MAML2: variants seen among roughly 807,000 people sequenced by gnomAD.
MAML2 encodes mastermind like transcriptional coactivator 2, also known as mastermind-like protein 2.
A neutral mutation model predicts 96.1 loss-of-function variants in MAML2; 22 were observed. That is an observed-to-expected ratio of 0.23 (90% confidence interval 0.16 to 0.33). The LOEUF (loss-of-function observed/expected upper bound fraction) is 0.33, where lower values mean the gene tolerates loss of function less well. MAML2 is among the 10% of genes least tolerant of loss of function. The probability of loss-of-function intolerance (pLI) is 1.00; values close to 1 mark genes in which losing one functional copy is unlikely to be tolerated. For synonymous variants in MAML2, 561 were observed against 521.3 expected (o/e 1.08, Z -1.04); for missense variants, 1,367 against 1,392.4 (o/e 0.98, Z 0.29).
intron 1 of MAML2, among the ~76,000 whole-genome samples, chr11:96,136,734 T>C (rs530173752): frequency 6.6e-6 from 1 of 152,330 alleles, no homozygotes; most frequent in African/African-American, 2.4e-5. Context: ...AATTTCAAAA[T>C]GCATGAAAGC....
In MAML2 at chr11:96,039,673, G is replaced by A. The variant is rs545190246; in HGVS notation, c.2140-47950C>T. ...CAGGAAAAGAGATCATCGGCCGGGC[G>A]CGGTGGCTCACGCCTGTAATCCCAG... On this transcript the variant is annotated intron_variant, in intron 2 of 4. Transcript: ENST00000524717. 1.2e-3 allele frequency among the ~76,000 whole-genome samples: 174 copies of A among 150,514 alleles called. 2 individuals carry two copies. Among genetic ancestry groups the A allele is most frequent in the African/African-American group, 3.9e-3 (163 of 41,482 alleles).
chr11:96,255,016 T>C (rs1862642099), intron 1 of MAML2, among the ~76,000 whole-genome samples: 2 of 148,762 alleles, frequency 1.3e-5, no homozygotes, highest in Non-Finnish European at 1.5e-5. Context: ...AGAGGTGGGG[T>C]TTCCCCAAGT....
chr11:96,336,331 C>T (rs2136020834), intron 1 of MAML2, among the ~76,000 whole-genome samples: 1 of 152,196 alleles, frequency 6.6e-6, no homozygotes, highest in East Asian at 1.9e-4. Flanking sequence ...ATATTTGTTC[C>T]TCTCTTCCTC....
intron 2 of MAML2, among the ~76,000 whole-genome samples, chr11:95,992,352 A>G (rs1436311618): frequency 1.3e-5 from 2 of 152,168 alleles, no homozygotes; most frequent in South Asian, 2.1e-4. Flanking sequence ...TACCCGACAC[A>G]CTGACAATGA....
chr11:96,175,952 C>T (rs770909174), intron 1 of MAML2, among the ~76,000 whole-genome samples: 4 of 152,062 alleles, frequency 2.6e-5, no homozygotes, highest in Non-Finnish European at 5.9e-5. Context: ...ATATAGGTTG[C>T]CTCTAATTCA....
At chr11:96,261,613 A>G (rs1862751731) in intron 1 of MAML2, among the ~76,000 whole-genome samples, 2 of 152,190 alleles carry the variant, frequency 1.3e-5, no homozygotes, top group East Asian at 3.8e-4. Context: ...TTCTGATAAT[A>G]TTGGAGACTT....
At chr11:96,102,818 A>C (rs1372784792) in intron 1 of MAML2, among the ~76,000 whole-genome samples, 4 of 152,208 alleles carry the variant, frequency 2.6e-5, no homozygotes, top group Non-Finnish European at 5.9e-5. Context: ...AAATGCACAT[A>C]ATATTCTGTA....
rs1565178956 is a variant in MAML2 at position 95,978,984 on chromosome 11, G to A, written c.3435C>T (p.Asp1145=). 1.2e-6 allele frequency: 2 copies of A among 1,611,452 alleles called. No homozygotes were observed. The highest frequency in any genetic ancestry group is 1.7e-5 in the Admixed American group (1 of 59,490). The part of the protein sequence containing the change: ...TEPGNDDWMK[D]INLDEILGNN... The stretch of plus-strand genomic sequence containing the variant: ...TCCCCAAGATTTCATCAAGATTGAT[G>A]TCTTTCATCCAGTCATCATTACCAG... The change falls in exon 5 of 5, where the codon GAC becomes GAT. Residue 1145 remains aspartate, a synonymous_variant. Coordinates refer to ENST00000524717, the MANE Select transcript of MAML2 (RefSeq NM_032427.4).
intron 1 of MAML2, among the ~76,000 whole-genome samples, chr11:96,115,491 C>T (rs1347122658): frequency 2.6e-5 from 4 of 151,112 alleles, no homozygotes; most frequent in Non-Finnish European, 4.4e-5. Context: ...TTTTTTAAAC[C>T]CCATTCATAC....
At chr11:96,009,709 C>T (rs61388002) in intron 2 of MAML2, among the ~76,000 whole-genome samples, 31,166 of 152,058 alleles carry the variant, frequency 0.2, 3,394 homozygotes, top group East Asian at 0.37. Flanking sequence ...TACCTGTAAA[C>T]ATTTGTTACA....
At chr11:96,204,468 AAG>A (rs1304815762) in intron 1 of MAML2, among the ~76,000 whole-genome samples, 1 of 152,176 alleles carries the variant, frequency 6.6e-6, no homozygotes, top group Non-Finnish European at 1.5e-5. Context: ...AGGGTTGAGA[AAG>A]AGCTATCCTT....
chr11:96,269,371 T>C (rs1292440223), intron 1 of MAML2, among the ~76,000 whole-genome samples: 1 of 145,130 alleles, frequency 6.9e-6, no homozygotes, highest in Non-Finnish European at 1.5e-5. Context: ...TTGTATGTTA[T>C]GTTCCTGAGA....
chr11:96,033,709 G>T (rs747319636), intron 2 of MAML2, among the ~76,000 whole-genome samples: 22 of 152,118 alleles, frequency 1.4e-4, no homozygotes, highest in Non-Finnish European at 2.6e-4. Flanking sequence ...GTGTACCCTG[G>T]GTCGCGTCTG....
intron 2 of MAML2, among the ~76,000 whole-genome samples, chr11:96,002,946 GA>G (rs1858115673): frequency 6.9e-6 from 1 of 145,018 alleles, no homozygotes. Flanking sequence ...GGGATGATAA[GA>G]AGGATGATGG....
intron 1 of MAML2, among the ~76,000 whole-genome samples, chr11:96,172,975 G>A (rs967966155): frequency 6.6e-6 from 1 of 152,182 alleles, no homozygotes; most frequent in East Asian, 1.9e-4. Context: ...CACCCTTTTT[G>A]CCAGTTGCCA....
chr11:96,143,407 C>T (rs534216733), intron 1 of MAML2, among the ~76,000 whole-genome samples: 51 of 152,248 alleles, frequency 3.3e-4, no homozygotes, highest in African/African-American at 1.1e-3. Flanking sequence ...TCGGTCATGT[C>T]GCTCTTGCTC....
chr11:96,166,158 C>CTGTCTG (rs1861188055), intron 1 of MAML2, among the ~76,000 whole-genome samples: 1 of 92,338 alleles, frequency 1.1e-5, no homozygotes, highest in Non-Finnish European at 2.5e-5. Context: ...CTGTCTGTCT[C>CTGTCTG]TCTCTCTCTC....
chr11:96,229,610 G>A (rs1010228712), intron 1 of MAML2, among the ~76,000 whole-genome samples: 2 of 147,556 alleles, frequency 1.4e-5, no homozygotes, highest in African/African-American at 5.0e-5. Flanking sequence ...CTACCATGGT[G>A]CCTTGACTAC....
chr11:96,248,418 A>C (rs535841007), intron 1 of MAML2, among the ~76,000 whole-genome samples: 206 of 152,118 alleles, frequency 1.4e-3, no homozygotes, highest in African/African-American at 4.7e-3. Flanking sequence ...GGCGTGTTTT[A>C]CTTTTTAATG....
Sources: allele counts gnomAD v4.1 joint callset (sites outside exome capture counted in the v4.1 genomes callset), GRCh38; gene constraint gnomAD v4.1.1; transcripts MANE v1.5; gene names NCBI Gene and HGNC (gene_info 2026-07-23, HGNC 2026-07-21).